The following NCOR2 variants were observed in gnomAD, a reference collection of about 807,000 sequenced individuals.
NCOR2 encodes nuclear receptor corepressor 2.
NCOR2 carries 81 observed loss-of-function variants against 262.9 expected under a neutral mutation model. The ratio of observed to expected loss-of-function variants is 0.31; its 90% CI spans 0.26 to 0.37. The LOEUF is 0.37. NCOR2 is among the 10% of genes least tolerant of loss of function. The pLI is 1.00. For synonymous variants in NCOR2, 1,659 were observed against 1,559.3 expected, an observed-to-expected ratio of 1.06 and a Z score of -1.51; for missense variants, 3,385 against 3,621.4, an observed-to-expected ratio of 0.93 and a Z score of 1.68.
chr12:124,378,502 G>A lies in NCOR2; in HGVS notation c.2020-118C>T. The A allele has an allele frequency of 9.4e-7, 1 of 1,058,686 alleles. No individual in the cohort carries two copies. The highest frequency in any genetic ancestry group is 1.3e-6 in the Non-Finnish European group (1 of 754,034). 65.6% of individuals were successfully genotyped at this position (1,058,686 alleles called of 1,614,324 possible). A position where few individuals can be genotyped will look rare whatever the true frequency, so the allele number is the denominator to read the frequency against. On this transcript the variant is annotated intron_variant, in intron 17 of 46. Coordinates refer to ENST00000405201, the Ensembl canonical transcript of NCOR2. This position sits in a 1 kb window ranked among gnomAD's most constrained non-coding sequence, Gnocchi z 4.2. ...GCAGTGATCCCGGCCATGTAGCAAT[G>A]AGGGTGACCGTCCCCCTCACACCCC...
At chr12:124,377,186 C>CA in intron 18 of NCOR2, among the ~76,000 whole-genome samples, 1 of 152,230 alleles carries the variant, frequency 6.6e-6, no homozygotes. Context: ...CATGTGGTCA[C>CA]AGTCCTGCAT....
intron 5 of NCOR2, among the ~76,000 whole-genome samples, chr12:124,461,167 C>T (rs569088267): frequency 3.3e-4 from 50 of 152,358 alleles, no homozygotes; most frequent in African/African-American, 1.1e-3. Flanking sequence ...CGCTGAAACC[C>T]GACTGCCCCC....
intron 1 of NCOR2, among the ~76,000 whole-genome samples, chr12:124,557,429 C>T (rs2051918624): frequency 6.6e-6 from 1 of 152,224 alleles, no homozygotes; most frequent in Non-Finnish European, 1.5e-5. Context: ...CACATCGCTC[C>T]AGCCTCTGCC....
chr12:124,426,095 G>A (rs962196718), intron 11 of NCOR2, among the ~76,000 whole-genome samples: 2 of 152,182 alleles, frequency 1.3e-5, no homozygotes, highest in Non-Finnish European at 2.9e-5. Context: ...CTTCCGACTC[G>A]CAGTGCCCCG....
At chr12:124,567,508 G>A (rs1441651091), upstream of NCOR2, 1 of 146,988 alleles carries the variant, frequency 6.8e-6, no homozygotes, top group South Asian at 2.1e-4. Context: ...GCGGAGCGCA[G>A]GGCGCGGGCG....
At chr12:124,485,369 A>ACAGAGGCAGAGG (rs901402068) in intron 2 of NCOR2, among the ~76,000 whole-genome samples, 5 of 152,348 alleles carry the variant, frequency 3.3e-5, no homozygotes, top group East Asian at 1.9e-4. Context: ...GCCACGTGAG[A>ACAGAGGCAGAGG]CAGAGGCAGA....
intron 18 of NCOR2, among the ~76,000 whole-genome samples, chr12:124,374,736 G>A (rs768387414): frequency 3.1e-4 from 47 of 152,264 alleles, no homozygotes; most frequent in Non-Finnish European, 2.1e-4. Flanking sequence ...GTTGTTCAGG[G>A]TGAAAAGTGA....
exon 24 of NCOR2, chr12:124,355,545 C>A (rs1296457042): frequency 6.3e-7 from 1 of 1,586,466 alleles, no homozygotes; most frequent in Non-Finnish European, 8.6e-7. Flanking sequence ...CGGGCAGTGT[C>A]ATGGAGGCCC....
intron 22 of NCOR2, among the ~76,000 whole-genome samples, chr12:124,357,012 T>C (rs1023456652): frequency 6.6e-6 from 1 of 152,210 alleles, no homozygotes; most frequent in African/African-American, 2.4e-5. Flanking sequence ...AGCTGGGGGC[T>C]CTCAGCTGCC....
At position 124,549,205 on chromosome 12, in the gene NCOR2, G is replaced by A. The variant is rs1057038484; in HGVS notation, c.-164-13594C>T. ...ATGGTTGCTGGGTCACGAGATCACC[G>A]AGAGGATCAGATGAATTCACGTGGC... On this transcript the variant is annotated intron_variant, in intron 1 of 32. Transcript: ENST00000458234. The surrounding 1 kb of genome is among the most constrained non-coding windows in gnomAD (Gnocchi z 4.4). Among the ~76,000 whole-genome samples, 2 of 152,072 alleles carry A rather than the reference G, an allele frequency of 1.3e-5. No individual in the cohort carries two copies. The highest frequency in any genetic ancestry group is 6.5e-5 in the Admixed American group (1 of 15,276).
exon 32 of NCOR2, chr12:124,344,773 C>T: frequency 6.5e-7 from 1 of 1,550,214 alleles, no homozygotes; most frequent in Non-Finnish European, 8.7e-7. Context: ...GCTGGCGGTC[C>T]CTGGCCGGCT....
intron 4 of NCOR2, among the ~76,000 whole-genome samples, chr12:124,469,052 T>C (rs1294331274): frequency 1.4e-5 from 2 of 148,046 alleles, no homozygotes; most frequent in African/African-American, 5.0e-5. Context: ...CCTAACACAG[T>C]TGGAAAGAGC....
rs555546933 is a variant in NCOR2 at position 124,344,456 on chromosome 12, C to G, written c.4714+141G>C. Reference sequence around the variant, plus strand: ...GGTTTGGAATCGGAGGCAGAGCCCACGGGCCTGCAGGTGGTTTGGATGTGG... The same window carrying G: ...GGTTTGGAATCGGAGGCAGAGCCCAGGGGCCTGCAGGTGGTTTGGATGTGG... On this transcript the variant is annotated intron_variant, in intron 32 of 46. Transcript: ENST00000405201. 67 of 761,884 alleles carry G rather than the reference C, an allele frequency of 8.8e-5. 1 individual carries two copies. The highest frequency in any genetic ancestry group is 1.2e-4 in the Non-Finnish European group (60 of 515,720). 47.2% of individuals were successfully genotyped at this position (761,884 alleles called of 1,614,324 possible).
chr12:124,336,103 G>A (rs2035859446), intron 38 of NCOR2: 1 of 168,272 alleles, frequency 5.9e-6, no homozygotes, highest in Non-Finnish European at 1.3e-5. Context: ...CCAAGGCAGG[G>A]GTCCAGAGGC....
chr12:124,549,416 C>T lies in NCOR2; in HGVS notation c.-164-13805G>A, dbSNP rs1047874706. On this transcript the variant is annotated intron_variant, in intron 1 of 32. Transcript: ENST00000458234. This position sits in a 1 kb window ranked among gnomAD's most constrained non-coding sequence, Gnocchi z 4.4. ...GGGATCAAATGAACCCACTTAATCC[C>T]CCTAGGGATCTCTGCTGAGCTGGCT... is the stretch of plus-strand genomic sequence containing the variant. Among the ~76,000 whole-genome samples, 3 of 152,262 alleles carry T rather than the reference C, an allele frequency of 2.0e-5. No individual in the cohort carries two copies. In the South Asian group the frequency reaches 6.2e-4, roughly 32 times the overall value.
rs965817583 is a variant in NCOR2, at chr12:124,517,699, G to A, written c.-118+17866C>T. ...GCTCGCCATGCTCCCCCCCAGGGAC[G>A]CCGGATGTGCACCAAGGAGAGGAGC... On this transcript the variant is annotated intron_variant, in intron 1 of 46. Coordinates refer to the NCOR2 transcript ENST00000404621. The surrounding 1 kb of genome is among the most constrained non-coding windows in gnomAD (Gnocchi z 7.6). Among the ~76,000 whole-genome samples, 9 of 152,248 alleles carry A rather than the reference G, an allele frequency of 5.9e-5. No individual in the cohort carries two copies. Among genetic ancestry groups the A allele is most frequent in the South Asian group, 2.1e-4 (1 of 4,824 alleles).
chr12:124,508,516 C>T (rs541246620), intron 1 of NCOR2, among the ~76,000 whole-genome samples: 1 of 152,266 alleles, frequency 6.6e-6, no homozygotes, highest in South Asian at 2.1e-4. Flanking sequence ...AACACAAGGG[C>T]CCAGGCAGGC....
intron 8 of NCOR2, among the ~76,000 whole-genome samples, chr12:124,434,864 G>A (rs376296502): frequency 2.6e-5 from 4 of 152,178 alleles, no homozygotes; most frequent in South Asian, 2.1e-4. Context: ...AATGGTAACC[G>A]TGGCTGATTC....
intron 37 of NCOR2, among the ~76,000 whole-genome samples, chr12:124,339,215 T>C: frequency 9.7e-6 from 1 of 102,622 alleles, no homozygotes; most frequent in Non-Finnish European, 1.9e-5. Flanking sequence ...CCGATCTACC[T>C]ACCACCCACC....
Sources: gnomAD v4.1 joint callset for allele counts (sites outside exome capture counted in the v4.1 genomes callset) on GRCh38, gnomAD v4.1.1 for gene constraint, Gnocchi (gnomAD v3.1) non-coding constraint, MANE v1.5 for transcripts, NCBI Gene and HGNC (gene_info 2026-07-23, HGNC 2026-07-21) for gene names.